SHROOM2: variants seen among roughly 807,000 people sequenced by gnomAD.
SHROOM2 encodes the protein shroom family member 2, also known as protein Shroom2.
A neutral mutation model predicts 75.9 loss-of-function variants in SHROOM2; 33 were observed. The ratio of observed to expected loss-of-function variants is 0.43; its 90% CI spans 0.33 to 0.58. The LOEUF (loss-of-function observed/expected upper bound fraction) is 0.58. Among genes scored for constraint, SHROOM2 ranks in the 20% least tolerant of loss-of-function variants. The pLI is 0.04. For missense variants in SHROOM2, 1,434 were observed against 1,461.2 expected (o/e 0.98, Z 0.30); for synonymous variants, 655 against 663.6 (o/e 0.99, Z 0.20).
At chrX:9,933,738 T>C (rs1457066197) in intron 6 of SHROOM2, among the ~76,000 whole-genome samples, 1 of 112,264 alleles carries the variant, frequency 8.9e-6, no homozygotes, top group Admixed American at 9.4e-5. Flanking sequence ...ATGGCACCAC[T>C]GCACTCCAGC....
intron 2 of SHROOM2, among the ~76,000 whole-genome samples, chrX:9,879,216 G>T (rs2084218261): frequency 9.0e-6 from 1 of 111,100 alleles, no homozygotes; most frequent in Non-Finnish European, 1.9e-5. Context: ...GGGACTACAG[G>T]TGCATGCCAC....
At position 9,944,630 on chromosome X, in the gene SHROOM2, G is replaced by A. The variant is rs2084800341; in HGVS notation, c.4312-11G>A. ...TGTCTCCGTGTTCCCTTGCCATCCC[G>A]TGCCCAACAGCAGGAGCTCATCGAG... On this transcript the variant is annotated splice_polypyrimidine_tract_variant and intron_variant, in intron 8 of 9. Transcript: ENST00000380913. 8.3e-7 allele frequency: 1 copy of A among 1,198,750 alleles called. No individual in the cohort carries two copies. The highest frequency in any genetic ancestry group is 1.8e-5 in the South Asian group (1 of 55,382).
At chrX:9,790,681 A>C (rs746814393) in intron 1 of SHROOM2, among the ~76,000 whole-genome samples, 23 of 112,079 alleles carry the variant, frequency 2.1e-4, no homozygotes, top group African/African-American at 6.2e-4. Flanking sequence ...GTCATTATAA[A>C]GATCCATCTG....
intron 1 of SHROOM2, among the ~76,000 whole-genome samples, chrX:9,839,846 T>C (rs1460313862): frequency 8.9e-6 from 1 of 112,285 alleles, no homozygotes; most frequent in Admixed American, 9.5e-5. Flanking sequence ...CTGTGAAAGC[T>C]ATCTCTTGAC....
At chrX:9,846,270 C>T (rs2084006050) in intron 1 of SHROOM2, among the ~76,000 whole-genome samples, 1 of 108,284 alleles carries the variant, frequency 9.2e-6, no homozygotes, top group Admixed American at 1.0e-4. Flanking sequence ...CAGGTGCATG[C>T]CACCACGCAC....
intron 1 of SHROOM2, among the ~76,000 whole-genome samples, chrX:9,807,775 C>T (rs1016824663): frequency 1.8e-5 from 2 of 112,213 alleles, no homozygotes; most frequent in African/African-American, 6.5e-5. Context: ...TAAAGGGAGC[C>T]CTTCTGTGAT....
chrX:9,891,900 C>T (rs1015338297), intron 3 of SHROOM2, among the ~76,000 whole-genome samples: 2 of 108,096 alleles, frequency 1.9e-5, no homozygotes, highest in South Asian at 4.1e-4. Flanking sequence ...TGTGCGCGTG[C>T]GTGCACACGC....
chrX:9,911,607 C>T (rs988856626), intron 5 of SHROOM2, among the ~76,000 whole-genome samples: 2 of 110,444 alleles, frequency 1.8e-5, no homozygotes. Flanking sequence ...TCTGGGGCTG[C>T]GTTAGGAGGG....
At chrX:9,808,866 A>C (rs960979526) in intron 1 of SHROOM2, among the ~76,000 whole-genome samples, 35 of 110,685 alleles carry the variant, frequency 3.2e-4, no homozygotes, top group Admixed American at 1.3e-3. Flanking sequence ...CGTCTCAAAA[A>C]AAAAATAATA....
chrX:9,946,388 G>A (rs1206336732), intron 9 of SHROOM2, among the ~76,000 whole-genome samples: 1 of 112,784 alleles, frequency 8.9e-6, no homozygotes, highest in Non-Finnish European at 1.9e-5. Flanking sequence ...CTCACCATTC[G>A]AGGCAGGTGG....
At position 9,896,261 on chromosome X, in the gene SHROOM2, A is replaced by G. The variant is rs1463774746; in HGVS notation, c.2353A>G (p.Arg785Gly). Residue 785 changes from arginine (R) to glycine (G), a missense_variant, in exon 4 of 10, where the codon AGG (arginine) becomes GGG (glycine). Transcript: ENST00000380913. ...TRGYSPHQHPRTSEDTVGTFA... is the reference protein window; with the variant it reads ...TRGYSPHQHPGTSEDTVGTFA... ...GGGCTACAGTCCTCACCAGCACCCC[A>G]GGACATCTGAGGATACTGTGGGCAC... 1.6e-6 allele frequency: 2 copies of G among 1,212,262 alleles called. No homozygotes were observed. Among genetic ancestry groups the G allele is most frequent in the South Asian group, 3.5e-5 (2 of 57,032 alleles).
At chrX:9,797,428 T>A (rs1460557410) in intron 1 of SHROOM2, among the ~76,000 whole-genome samples, 1 of 112,558 alleles carries the variant, frequency 8.9e-6, no homozygotes, top group Non-Finnish European at 1.9e-5. Context: ...TAACAGACTA[T>A]TCTCACAAAT....
intron 2 of SHROOM2, among the ~76,000 whole-genome samples, chrX:9,890,682 C>G (rs1455996469): frequency 9.8e-6 from 1 of 101,721 alleles, no homozygotes; most frequent in African/African-American, 3.7e-5. Flanking sequence ...GCGTGCGCTG[C>G]GTGCGGTCCT....
chrX:9,868,753 T>G lies in SHROOM2; in HGVS notation c.166-4899T>G, dbSNP rs1464788607. On this transcript the variant is annotated intron_variant, in intron 1 of 9. Transcript: ENST00000380913. The stretch of plus-strand genomic sequence containing the variant: ...TTTTTTTTTTTTTTTTTTTTTTTTT[T>G]TTTGTAGAGACAGGATTTCTTTTGT... 5.3e-5 allele frequency among the ~76,000 whole-genome samples: 3 copies of G among 56,990 alleles called. No homozygotes were observed. The South Asian group carries it at 3.5e-3, about 67-fold the overall frequency. 49.5% of individuals were successfully genotyped at this position (56,990 alleles called of 115,157 possible). A position where few individuals can be genotyped will look rare whatever the true frequency, so the allele number is the denominator to read the frequency against.
chrX:9,789,277 G>T (rs2083634208), intron 1 of SHROOM2, among the ~76,000 whole-genome samples: 1 of 111,517 alleles, frequency 9.0e-6, no homozygotes, highest in African/African-American at 3.3e-5. Context: ...GAAGCTAAAG[G>T]GATACCAACT....
chrX:9,940,772 A>G (rs1480025194), intron 8 of SHROOM2, among the ~76,000 whole-genome samples: 2 of 112,264 alleles, frequency 1.8e-5, no homozygotes, highest in Non-Finnish European at 3.8e-5. Context: ...TTAGCAGGCC[A>G]CCTGCTCTGT....
At chrX:9,811,938 G>T (rs1230713634) in intron 1 of SHROOM2, among the ~76,000 whole-genome samples, 1 of 111,150 alleles carries the variant, frequency 9.0e-6, no homozygotes, top group African/African-American at 3.3e-5. Context: ...GGACCTGCTT[G>T]AGCCCGATCA....
chrX:9,905,478 C>T (rs2084386742), intron 5 of SHROOM2, among the ~76,000 whole-genome samples: 1 of 112,907 alleles, frequency 8.9e-6, no homozygotes, highest in South Asian at 3.6e-4. Context: ...CGCTTCAGGC[C>T]CCTGCATACC....
At chrX:9,838,706 T>C (rs1003925851) in intron 1 of SHROOM2, among the ~76,000 whole-genome samples, 3 of 111,975 alleles carry the variant, frequency 2.7e-5, no homozygotes, top group Non-Finnish European at 5.6e-5. Context: ...TTGAAGACAG[T>C]GTGCCCCTTC....
Sources: gnomAD v4.1 joint callset for allele counts (sites outside exome capture counted in the v4.1 genomes callset) on GRCh38, gnomAD v4.1.1 for gene constraint, MANE v1.5 for transcripts, NCBI Gene and HGNC (gene_info 2026-07-23, HGNC 2026-07-21) for gene names.